The following SDK1 variants were observed in gnomAD, a reference collection of about 807,000 sequenced individuals.
SDK1 encodes the protein protein sidekick-1.
A neutral mutation model predicts 245.5 loss-of-function variants in SDK1; 157 were observed. The observed-to-expected ratio is 0.64, with a 90% CI of 0.56 to 0.73. The LOEUF is 0.73. Among genes scored for constraint, SDK1 ranks in the 30% least tolerant of loss-of-function variants. The probability of loss-of-function intolerance (pLI) is 0.00; values close to 1 mark genes in which losing one functional copy is unlikely to be tolerated. For missense variants in SDK1, 3,583 were observed against 3,002.3 expected, an observed-to-expected ratio of 1.19 and a Z score of -4.52; for synonymous variants, 1,647 against 1,278.5, an observed-to-expected ratio of 1.29 and a Z score of -6.15.
intron 35 of SDK1, among the ~76,000 whole-genome samples, chr7:4,192,148 G>A (rs1388252059): frequency 1.3e-5 from 2 of 152,238 alleles, no homozygotes; most frequent in African/African-American, 2.4e-5. Context: ...GCCTTAGTGT[G>A]CTTCGTAGAT....
At chr7:3,489,224 G>A (rs186697019) in intron 1 of SDK1, among the ~76,000 whole-genome samples, 22 of 152,260 alleles carry the variant, frequency 1.4e-4, no homozygotes, top group Admixed American at 1.1e-3. Context: ...GGCACCAGTA[G>A]TATCATCTGC....
chr7:3,984,736 C>T (rs551870993), intron 13 of SDK1, among the ~76,000 whole-genome samples: 16 of 152,266 alleles, frequency 1.1e-4, no homozygotes, highest in Admixed American at 5.9e-4. Flanking sequence ...TTTAGTTTCA[C>T]GGCCTATCTC....
Position 3,672,766 on chromosome 7 carries a change from T to TACATATATATATATATATATATAC in SDK1, c.713+30662_713+30663insCATATATATATATATATATATACA, listed in dbSNP as rs1226753258. On this transcript the variant is annotated intron_variant, in intron 4 of 44. Coordinates refer to ENST00000404826, the MANE Select transcript of SDK1 (RefSeq NM_152744.4). ...TTTTTATAATATATAATTTTATATA[T>TACATATATATATATATATATATAC]ATATATATATATATATATATATATA... Among the ~76,000 whole-genome samples, 195 of 74,286 alleles carry TACATATATATATATATATATATAC rather than the reference T, an allele frequency of 2.6e-3. 6 individuals carry two copies. Among genetic ancestry groups the TACATATATATATATATATATATAC allele is most frequent in the Admixed American group, 3.7e-3 (27 of 7,220 alleles). The allele number at this position is 74,286 out of a possible 152,430, so 48.7% of individuals were successfully genotyped here.
At chr7:3,975,228 C>G (rs1422862646) in intron 13 of SDK1, among the ~76,000 whole-genome samples, 4 of 152,118 alleles carry the variant, frequency 2.6e-5, no homozygotes, top group Non-Finnish European at 5.9e-5. Context: ...TATTTATTTG[C>G]TTTTTAAAAG....
chr7:4,148,284 C>T (rs58980976), intron 29 of SDK1, among the ~76,000 whole-genome samples: 8,612 of 152,278 alleles, frequency 0.057, 535 homozygotes, highest in African/African-American at 0.15. Context: ...ACACACGCCA[C>T]GCATTCTAAT....
rs11979185 is a variant in SDK1 at position 4,011,121 on chromosome 7, A to T, written c.2279+8A>T. 1.2e-6 allele frequency: 2 copies of T among 1,612,954 alleles called. No homozygotes were observed. Among genetic ancestry groups the T allele is most frequent in the South Asian group, 2.2e-5 (2 of 90,966 alleles). ...CAGCGCCGAGACAAGCAGGTGCGTG[A>T]ATCCCGCCCCAGGTGGGGGTGTGGA... On this transcript the variant is annotated splice_region_variant and intron_variant, in intron 15 of 44. Transcript: ENST00000404826.
intron 5 of SDK1, among the ~76,000 whole-genome samples, chr7:3,832,407 T>A (rs1000899798): frequency 6.6e-6 from 1 of 152,256 alleles, no homozygotes; most frequent in Non-Finnish European, 1.5e-5. Context: ...CACTTAGTCA[T>A]AATGTTTTAT....
At position 3,456,649 on chromosome 7, in the gene SDK1, T is replaced by C. The variant is rs76118457; in HGVS notation, c.298+154765T>C. ...GTTGCTTGTTGATGTATTTTTGTGA[T>C]GGCTGCTTTAAAATCCTTGTCAGAT... On this transcript the variant is annotated intron_variant, in intron 1 of 44. Transcript: ENST00000404826. Among the ~76,000 whole-genome samples, 450 of 152,344 alleles carry C rather than the reference T, an allele frequency of 3.0e-3. 1 individual carries two copies. The highest frequency in any genetic ancestry group is 0.01 in the African/African-American group (426 of 41,578).
intron 5 of SDK1, among the ~76,000 whole-genome samples, chr7:3,940,338 A>G (rs180973492): frequency 2.4e-3 from 363 of 152,372 alleles, no homozygotes; most frequent in Non-Finnish European, 4.2e-3. Context: ...CTGCTTCTGT[A>G]TAGCTCTGCA....
chr7:3,949,666 T>C (rs772612512), intron 5 of SDK1, among the ~76,000 whole-genome samples: 1 of 152,224 alleles, frequency 6.6e-6, no homozygotes, highest in Non-Finnish European at 1.5e-5. Flanking sequence ...TTTCTCTAAA[T>C]AAACAGTAGT....
At chr7:3,722,269 G>A (rs917031202) in intron 4 of SDK1, among the ~76,000 whole-genome samples, 2 of 152,118 alleles carry the variant, frequency 1.3e-5, no homozygotes, top group African/African-American at 2.4e-5. Flanking sequence ...CGGAGACCAC[G>A]TCCTATGCCA....
chr7:3,355,260 C>A (rs1237226036), intron 1 of SDK1, among the ~76,000 whole-genome samples: 1 of 152,158 alleles, frequency 6.6e-6, no homozygotes, highest in African/African-American at 2.4e-5. Context: ...TATGGAGTTA[C>A]TTTTAAAATG....
chr7:3,447,925 A>C (rs1204273824), intron 1 of SDK1, among the ~76,000 whole-genome samples: 2 of 151,496 alleles, frequency 1.3e-5, no homozygotes, highest in South Asian at 2.1e-4. Flanking sequence ...GCTGGTCTCG[A>C]ATTCCCGAGC....
chr7:3,538,376 G>GA (rs958787018), intron 1 of SDK1, among the ~76,000 whole-genome samples: 3 of 151,542 alleles, frequency 2.0e-5, no homozygotes, highest in Non-Finnish European at 4.4e-5. Flanking sequence ...AGGCCTTTTT[G>GA]AAAAAATCAG....
intron 20 of SDK1, among the ~76,000 whole-genome samples, chr7:4,070,620 G>A (rs911821366): frequency 5.3e-5 from 8 of 151,932 alleles, no homozygotes; most frequent in Admixed American, 5.2e-4. Context: ...AGAATCTCCT[G>A]TAATCATCTG....
intron 44 of SDK1, among the ~76,000 whole-genome samples, chr7:4,263,375 T>G (rs981373285): frequency 2.0e-5 from 3 of 151,348 alleles, no homozygotes; most frequent in Admixed American, 2.0e-4. Flanking sequence ...CGTAGACCTC[T>G]GCTGGGTGGG....
At chr7:3,722,304 C>A (rs1778835338) in intron 4 of SDK1, among the ~76,000 whole-genome samples, 1 of 152,110 alleles carries the variant, frequency 6.6e-6, no homozygotes, top group South Asian at 2.1e-4. Flanking sequence ...GAGACAGGAG[C>A]CCCAAGAACA....
chr7:3,375,917 G>A (rs1159707231), intron 1 of SDK1, among the ~76,000 whole-genome samples: 1 of 152,204 alleles, frequency 6.6e-6, no homozygotes, highest in Admixed American at 6.5e-5. Context: ...TGAAGTTTTG[G>A]GGTAATTCAT....
intron 30 of SDK1, among the ~76,000 whole-genome samples, chr7:4,155,076 C>T (rs1364632554): frequency 6.6e-6 from 1 of 151,842 alleles, no homozygotes; most frequent in Non-Finnish European, 1.5e-5. Context: ...ATGCTACCGT[C>T]TCTAGTACTG....
Sources: gnomAD v4.1 joint callset for allele counts (sites outside exome capture counted in the v4.1 genomes callset) on GRCh38, gnomAD v4.1.1 for gene constraint, MANE v1.5 for transcripts, NCBI Gene and HGNC (gene_info 2026-07-23, HGNC 2026-07-21) for gene names.